AGBL1: variants seen among roughly 807,000 people sequenced by gnomAD.
AGBL1 encodes AGBL carboxypeptidase 1.
In AGBL1, 130 loss-of-function variants were observed where a neutral mutation model predicts 118.9. The ratio of observed to expected loss-of-function variants is 1.09; its 90% CI spans 0.95 to 1.26. AGBL1 has a LOEUF of 1.26. AGBL1 is among the 50% of genes most tolerant of loss of function. The probability of loss-of-function intolerance (pLI) is 0.00; values close to 1 mark genes in which losing one functional copy is unlikely to be tolerated. For missense variants in AGBL1, 1,584 were observed against 1,298.1 expected (o/e 1.22, Z -3.38); for synonymous variants, 555 against 478.9 (o/e 1.16, Z -2.08).
chr15:86,398,801 C>T (rs1168894140), intron 18 of AGBL1, among the ~76,000 whole-genome samples: 1 of 151,840 alleles, frequency 6.6e-6, no homozygotes, highest in Non-Finnish European at 1.5e-5. Flanking sequence ...TGATAAATTA[C>T]AAAAAGATGA....
Position 86,442,197 on chromosome 15 carries a change from C to A in AGBL1, c.2555+44651C>A, listed in dbSNP as rs149172255. Among the ~76,000 whole-genome samples, 331 of 152,254 alleles carry A rather than the reference C, an allele frequency of 2.2e-3. 4 individuals carry two copies. Among genetic ancestry groups the A allele is most frequent in the African/African-American group, 7.6e-3 (314 of 41,550 alleles). On this transcript the variant is annotated intron_variant, in intron 18 of 22. Transcript: ENST00000614907. ...TAGGTTTAAAGGCATATGGTCAGGT[C>A]AGAAAAAGAAAACAAAAATCCCTGG...
intron 22 of AGBL1, among the ~76,000 whole-genome samples, chr15:86,836,709 C>T (rs2079175802): frequency 4.6e-5 from 7 of 152,138 alleles, no homozygotes. Context: ...CCCTCACCTT[C>T]ACCACATGTT....
chr15:86,680,565 C>CTTTTTTTTTTTTTTTTTTTTTTTTT (rs34873609), intron 22 of AGBL1, among the ~76,000 whole-genome samples: 59 of 94,670 alleles, frequency 6.2e-4, no homozygotes, highest in African/African-American at 6.8e-4. Flanking sequence ...TCTTTCTTTT[C>CTTTTTTTTTTTTTTTTTTTTTTTTT]TTTTTTTTTT....
chr15:86,292,025 C>T (rs566232834), intron 16 of AGBL1, among the ~76,000 whole-genome samples: 186 of 152,242 alleles, frequency 1.2e-3, no homozygotes, highest in African/African-American at 4.2e-3. Flanking sequence ...ACAAGAACAA[C>T]CTGTTTCTAA....
At chr15:86,347,607 AAT>A (rs1358065576) in intron 17 of AGBL1, among the ~76,000 whole-genome samples, 1 of 152,242 alleles carries the variant, frequency 6.6e-6, no homozygotes, top group Non-Finnish European at 1.5e-5. Flanking sequence ...GAATTAAGTA[AAT>A]ATATGCCTTC....
intron 17 of AGBL1, among the ~76,000 whole-genome samples, chr15:86,346,781 G>A (rs778275277): frequency 5.3e-5 from 8 of 152,322 alleles, no homozygotes; most frequent in Non-Finnish European, 8.8e-5. Flanking sequence ...TTTGTAATTA[G>A]TCATAGCTTA....
intron 21 of AGBL1, among the ~76,000 whole-genome samples, chr15:86,664,751 T>C (rs1229279271): frequency 6.6e-6 from 1 of 152,098 alleles, no homozygotes; most frequent in Non-Finnish European, 1.5e-5. Context: ...TTGCCTTTTA[T>C]TATTGAATAT....
intron 22 of AGBL1, among the ~76,000 whole-genome samples, chr15:86,836,889 T>C (rs1053707274): frequency 6.6e-5 from 10 of 152,198 alleles, no homozygotes; most frequent in African/African-American, 2.4e-4. Flanking sequence ...CACTCTTTTG[T>C]TTCCTTTATG....
chr15:86,647,662 C>T (rs146494022), intron 21 of AGBL1, among the ~76,000 whole-genome samples: 2,814 of 152,244 alleles, frequency 0.018, 101 homozygotes, highest in African/African-American at 0.064. Flanking sequence ...AATCACACTA[C>T]TGCACTCCAG....
At chr15:86,818,061 C>T (rs935596600) in intron 22 of AGBL1, among the ~76,000 whole-genome samples, 3 of 152,024 alleles carry the variant, frequency 2.0e-5, no homozygotes, top group Non-Finnish European at 4.4e-5. Context: ...CCTGCTACCA[C>T]CTCAAGCTAT....
At chr15:86,888,443 T>C (rs2080003734) in intron 22 of AGBL1, among the ~76,000 whole-genome samples, 1 of 152,170 alleles carries the variant, frequency 6.6e-6, no homozygotes. Context: ...AAAGGTAATA[T>C]TGATGCTGAA....
At chr15:87,003,220 C>T (rs1001714952) in intron 24 of AGBL1, among the ~76,000 whole-genome samples, 1 of 152,160 alleles carries the variant, frequency 6.6e-6, no homozygotes, top group Non-Finnish European at 1.5e-5. Context: ...GCCTTTTCTG[C>T]ATCTATTGAG....
chr15:86,118,364 C>G (rs1023738971), intron 1 of AGBL1, among the ~76,000 whole-genome samples: 7 of 152,152 alleles, frequency 4.6e-5, no homozygotes. Flanking sequence ...AGACACGTCT[C>G]CCCTCTGTTT....
At chr15:86,790,647 C>G (rs2078479560) in intron 22 of AGBL1, among the ~76,000 whole-genome samples, 1 of 151,814 alleles carries the variant, frequency 6.6e-6, no homozygotes, top group Non-Finnish European at 1.5e-5. Flanking sequence ...CATTGGAATA[C>G]TAATAGGGTA....
chr15:86,205,253 G>C (rs1039892723), intron 5 of AGBL1, among the ~76,000 whole-genome samples: 4 of 152,136 alleles, frequency 2.6e-5, no homozygotes, highest in African/African-American at 9.7e-5. Context: ...ATGCACTTAA[G>C]GGTTCTCTGT....
At chr15:86,850,965 G>A (rs542117698) in intron 22 of AGBL1, among the ~76,000 whole-genome samples, 52 of 152,222 alleles carry the variant, frequency 3.4e-4, no homozygotes, top group African/African-American at 1.0e-3. Context: ...AAAGAAACTG[G>A]AGTATAGGAA....
intron 21 of AGBL1, among the ~76,000 whole-genome samples, chr15:86,586,943 G>A (rs2084257495): frequency 6.6e-6 from 1 of 152,092 alleles, no homozygotes; most frequent in Non-Finnish European, 1.5e-5. Flanking sequence ...AAAAAGACCT[G>A]TTTAATGAGC....
At chr15:86,160,973 C>A (rs1178392853) in intron 5 of AGBL1, among the ~76,000 whole-genome samples, 2 of 152,136 alleles carry the variant, frequency 1.3e-5, no homozygotes, top group African/African-American at 4.8e-5. Flanking sequence ...AGCATAGAAA[C>A]CTCTTCCTCA....
intron 21 of AGBL1, among the ~76,000 whole-genome samples, chr15:86,598,113 T>A (rs2084437309): frequency 6.6e-6 from 1 of 152,106 alleles, no homozygotes; most frequent in South Asian, 2.1e-4. Context: ...ATGAGGGGTG[T>A]TTAACCCATT....
Sources: allele counts gnomAD v4.1 joint callset (sites outside exome capture counted in the v4.1 genomes callset), GRCh38; gene constraint gnomAD v4.1.1; transcripts MANE v1.5; gene names NCBI Gene and HGNC (gene_info 2026-07-23, HGNC 2026-07-21).